The following NELL1 variants were observed in gnomAD, a reference collection of about 807,000 sequenced individuals.
NELL1 encodes the protein protein kinase C-binding protein NELL1.
In NELL1, 76 loss-of-function variants were observed where a neutral mutation model predicts 107.4. The observed-to-expected ratio is 0.71, with a 90% CI of 0.59 to 0.86. NELL1 has a LOEUF of 0.86. Ranked by LOEUF, NELL1 falls within the 40% of genes least tolerant of loss-of-function variation. The probability of loss-of-function intolerance (pLI) is 0.00; values close to 1 mark genes in which losing one functional copy is unlikely to be tolerated. For synonymous variants in NELL1, 353 were observed against 341.2 expected (o/e 1.03, Z -0.38); for missense variants, 1,024 against 1,005.5 (o/e 1.02, Z -0.25).
chr11:21,223,983 A>G (rs549068959), intron 13 of NELL1, among the ~76,000 whole-genome samples: 74 of 152,284 alleles, frequency 4.9e-4, no homozygotes, highest in Middle Eastern at 3.4e-3. Context: ...CTTTAAATGT[A>G]TCATACCATT....
intron 13 of NELL1, among the ~76,000 whole-genome samples, chr11:21,167,914 C>A (rs748503935): frequency 2.6e-5 from 4 of 151,742 alleles, no homozygotes; most frequent in Non-Finnish European, 5.9e-5. Flanking sequence ...CTCCATGCAC[C>A]CTTTTTCTCA....
At chr11:21,161,944 CTTTT>C (rs34422649) in intron 13 of NELL1, among the ~76,000 whole-genome samples, 2 of 83,058 alleles carry the variant, frequency 2.4e-5, no homozygotes, top group African/African-American at 9.6e-5. Flanking sequence ...GGAACATAAT[CTTTT>C]TTTTTTTTTT....
intron 2 of NELL1, among the ~76,000 whole-genome samples, chr11:20,694,673 C>A (rs915818834): frequency 6.6e-6 from 1 of 151,892 alleles, no homozygotes; most frequent in Admixed American, 6.6e-5. Flanking sequence ...GTTACTGTAG[C>A]CTTATAGTAT....
At chr11:21,344,928 C>T (rs1033964072) in intron 14 of NELL1, among the ~76,000 whole-genome samples, 34 of 152,128 alleles carry the variant, frequency 2.2e-4, no homozygotes, top group African/African-American at 7.7e-4. Context: ...TAATTTAATC[C>T]TTTAATTTTA....
intron 15 of NELL1, among the ~76,000 whole-genome samples, chr11:21,518,154 G>C (rs1397232205): frequency 6.7e-6 from 1 of 149,464 alleles, no homozygotes; most frequent in East Asian, 2.0e-4. Context: ...AAAAAAAAAG[G>C]TGCTGATTTT....
intron 13 of NELL1, among the ~76,000 whole-genome samples, chr11:21,140,674 C>T (rs1415801729): frequency 6.6e-6 from 1 of 152,052 alleles, no homozygotes; most frequent in East Asian, 1.9e-4. Flanking sequence ...TAGGTCATAT[C>T]ATAAAAAAGA....
At chr11:21,366,015 A>G (rs1372021894) in intron 14 of NELL1, among the ~76,000 whole-genome samples, 1 of 152,124 alleles carries the variant, frequency 6.6e-6, no homozygotes, top group Non-Finnish European at 1.5e-5. Flanking sequence ...TCGACTCACC[A>G]AGTAATAGGA....
At chr11:21,552,652 GCCC>G (rs1856619533) in intron 16 of NELL1, among the ~76,000 whole-genome samples, 1 of 151,772 alleles carries the variant, frequency 6.6e-6, no homozygotes, top group Admixed American at 6.6e-5. Flanking sequence ...TTAGGGGGCA[GCCC>G]CAGAGCTATT....
chr11:20,816,039 T>C (rs1857616341), intron 3 of NELL1, among the ~76,000 whole-genome samples: 1 of 152,166 alleles, frequency 6.6e-6, no homozygotes, highest in African/African-American at 2.4e-5. Flanking sequence ...CAGTACCTTG[T>C]TGTTTTTATT....
intron 14 of NELL1, among the ~76,000 whole-genome samples, chr11:21,232,153 A>ATAT (rs1336630880): frequency 4.1e-5 from 1 of 24,118 alleles, no homozygotes; most frequent in African/African-American, 1.2e-4. Flanking sequence ...AAAATAAAAA[A>ATAT]AAAAAAATAT....
At chr11:20,900,673 C>T (rs1054945507) in intron 5 of NELL1, among the ~76,000 whole-genome samples, 1 of 152,056 alleles carries the variant, frequency 6.6e-6, no homozygotes, top group Non-Finnish European at 1.5e-5. Context: ...AAGGGAATTG[C>T]TTAAGCCAAT....
At chr11:21,301,062 A>T (rs1849481255) in intron 14 of NELL1, among the ~76,000 whole-genome samples, 1 of 152,292 alleles carries the variant, frequency 6.6e-6, no homozygotes, top group African/African-American at 2.4e-5. Flanking sequence ...ACGTCCCCAC[A>T]AAGAACATGA....
rs150592765 is a variant in NELL1, at chr11:21,538,314, T to C, written c.1786+3800T>C. On this transcript the variant is annotated intron_variant, in intron 16 of 19. Transcript: ENST00000357134. ...TATCCATTATTGTAAGCTTGAATAA[T>C]ATTGATATCATAAAGAACAGCATGC... 2.3e-3 allele frequency among the ~76,000 whole-genome samples: 352 copies of C among 152,282 alleles called. 1 individual carries two copies. The highest frequency in any genetic ancestry group is 8.3e-3 in the African/African-American group (345 of 41,586).
chr11:21,205,100 T>A (rs987680346), intron 13 of NELL1, among the ~76,000 whole-genome samples: 1 of 152,048 alleles, frequency 6.6e-6, no homozygotes, highest in African/African-American at 2.4e-5. Context: ...AGGGACCCAC[T>A]TGAGGAGGCA....
chr11:21,397,877 C>T (rs1261143077), intron 15 of NELL1, among the ~76,000 whole-genome samples: 4 of 151,400 alleles, frequency 2.6e-5, no homozygotes, highest in African/African-American at 7.3e-5. Flanking sequence ...TTCCTTCCAC[C>T]ATGTGAGGTT....
chr11:21,056,083 T>G (rs998689519), intron 12 of NELL1, among the ~76,000 whole-genome samples: 3 of 152,124 alleles, frequency 2.0e-5, no homozygotes, highest in African/African-American at 7.2e-5. Context: ...GATGAGGATA[T>G]CCTCTATTTG....
intron 2 of NELL1, among the ~76,000 whole-genome samples, chr11:20,681,386 C>A (rs530679369): frequency 5.9e-5 from 9 of 152,234 alleles, no homozygotes; most frequent in African/African-American, 2.2e-4. Context: ...TTTCTGGCAT[C>A]ATGTAACAAG....
At chr11:20,963,365 A>C (rs1394548121) in intron 12 of NELL1, among the ~76,000 whole-genome samples, 1 of 152,012 alleles carries the variant, frequency 6.6e-6, no homozygotes, top group Non-Finnish European at 1.5e-5. Flanking sequence ...TTCTAGACCG[A>C]TGTTTGAGAA....
intron 15 of NELL1, among the ~76,000 whole-genome samples, chr11:21,446,171 C>A (rs998245750): frequency 6.6e-6 from 1 of 151,942 alleles, no homozygotes; most frequent in African/African-American, 2.4e-5. Context: ...TTTTCAACTC[C>A]AGAATTTCTG....
Sources: allele counts gnomAD v4.1 joint callset (sites outside exome capture counted in the v4.1 genomes callset), GRCh38; gene constraint gnomAD v4.1.1; transcripts MANE v1.5; gene names NCBI Gene and HGNC (gene_info 2026-07-23, HGNC 2026-07-21).